The following SLC4A4 variants were observed in gnomAD, a reference collection of about 807,000 sequenced individuals.
SLC4A4 encodes the protein solute carrier family 4 member 4.
A neutral mutation model predicts 111.5 loss-of-function variants in SLC4A4; 27 were observed. That is an observed-to-expected ratio of 0.24 (90% CI 0.18 to 0.33). The LOEUF (loss-of-function observed/expected upper bound fraction) is 0.33, where lower values mean the gene tolerates loss of function less well. SLC4A4 is among the 10% of genes least tolerant of loss of function. The pLI is 1.00. For synonymous variants in SLC4A4, 443 were observed against 463.4 expected (o/e 0.96, Z 0.57); for missense variants, 909 against 1,315.5 (o/e 0.69, Z 4.78).
intron 2 of SLC4A4, among the ~76,000 whole-genome samples, chr4:71,162,520 C>T (rs1560752386): frequency 6.6e-6 from 1 of 152,190 alleles, no homozygotes; most frequent in African/African-American, 2.4e-5. Flanking sequence ...AGTTCAGTCT[C>T]TGCTAACCTT....
At chr4:71,261,909 T>A (rs1721884615) in intron 3 of SLC4A4, among the ~76,000 whole-genome samples, 1 of 152,150 alleles carries the variant, frequency 6.6e-6, no homozygotes, top group South Asian at 2.1e-4. Flanking sequence ...GCTGGGGTGC[T>A]CAGGGCTAAA....
intron 2 of SLC4A4, among the ~76,000 whole-genome samples, chr4:71,163,650 T>C (rs1744664697): frequency 6.6e-6 from 1 of 152,360 alleles, no homozygotes; most frequent in East Asian, 1.9e-4. Flanking sequence ...TGTTTCAATA[T>C]ATTTTTATTA....
chr4:71,347,144 T>C (rs2148898915), intron 4 of SLC4A4, among the ~76,000 whole-genome samples: 1 of 152,252 alleles, frequency 6.6e-6, no homozygotes, highest in East Asian at 1.9e-4. Flanking sequence ...GTTTTGCAAA[T>C]GCACTTTTTA....
At chr4:71,491,526 G>A (rs72853271) in intron 15 of SLC4A4, among the ~76,000 whole-genome samples, 21,568 of 151,574 alleles carry the variant, frequency 0.14, 1,987 homozygotes, top group African/African-American at 0.26. Context: ...GTTCATTGGC[G>A]TGTCTTAATT....
intron 6 of SLC4A4, among the ~76,000 whole-genome samples, chr4:71,368,458 A>G (rs1365866382): frequency 6.8e-6 from 1 of 147,168 alleles, no homozygotes; most frequent in African/African-American, 2.4e-5. Flanking sequence ...TGAAGGGCTG[A>G]AAAACAGAGG....
intron 1 of SLC4A4, among the ~76,000 whole-genome samples, chr4:71,084,963 C>A (rs560596875): frequency 2.4e-4 from 36 of 152,160 alleles, no homozygotes; most frequent in Middle Eastern, 6.8e-3. Context: ...TGCTATAGAT[C>A]CCTGAGGAAT....
upstream of SLC4A4, among the ~76,000 whole-genome samples, chr4:71,183,584 A>C (rs1017165856): frequency 6.6e-6 from 1 of 152,208 alleles, no homozygotes; most frequent in Non-Finnish European, 1.5e-5. Flanking sequence ...CTATCGATCT[A>C]TATCTATCTA....
chr4:71,136,472 G>A (rs2148964136), intron 2 of SLC4A4, among the ~76,000 whole-genome samples: 1 of 152,312 alleles, frequency 6.6e-6, no homozygotes. Flanking sequence ...GGGGTTGCCT[G>A]TTAACCCCAT....
chr4:71,262,802 C>T (rs759532761), intron 3 of SLC4A4, among the ~76,000 whole-genome samples: 3 of 151,904 alleles, frequency 2.0e-5, no homozygotes, highest in Non-Finnish European at 2.9e-5. Context: ...TCCCCTTTCC[C>T]CCCGGGTGTC....
upstream of SLC4A4, among the ~76,000 whole-genome samples, chr4:71,182,650 TA>T (rs1745329473): frequency 6.6e-6 from 1 of 151,978 alleles, no homozygotes; most frequent in Non-Finnish European, 1.5e-5. Flanking sequence ...GCCAGTGGGA[TA>T]CAAAGGAAAA....
At chr4:71,108,971 A>G (rs1379660949) in intron 2 of SLC4A4, among the ~76,000 whole-genome samples, 1 of 151,948 alleles carries the variant, frequency 6.6e-6, no homozygotes, top group Non-Finnish European at 1.5e-5. Context: ...ATCTGCCATT[A>G]GGTCTTTCTC....
At chr4:71,168,191 T>TTTC (rs1744835086) in intron 2 of SLC4A4, among the ~76,000 whole-genome samples, 1 of 147,372 alleles carries the variant, frequency 6.8e-6, no homozygotes, top group African/African-American at 2.5e-5. Flanking sequence ...TTTTTTTTTT[T>TTTC]TTTTTTTTGA....
intron 15 of SLC4A4, among the ~76,000 whole-genome samples, chr4:71,496,494 T>TATA (rs1730422096): frequency 6.6e-6 from 1 of 151,806 alleles, no homozygotes. Flanking sequence ...ACGAAGAGGG[T>TATA]ATAGTTTTAG....
chr4:71,067,907 C>A (rs545341188), intron 1 of SLC4A4, among the ~76,000 whole-genome samples: 1 of 152,022 alleles, frequency 6.6e-6, no homozygotes, highest in South Asian at 2.1e-4. Flanking sequence ...GACAACACAC[C>A]TGGCTAATTT....
At chr4:71,279,374 CATA>C (rs1723321531) in intron 3 of SLC4A4, among the ~76,000 whole-genome samples, 1 of 152,132 alleles carries the variant, frequency 6.6e-6, no homozygotes, top group African/African-American at 2.4e-5. Flanking sequence ...TTCCACTAAA[CATA>C]ATATCCTCCA....
At chr4:71,357,217 T>C in intron 6 of SLC4A4, 30 bp downstream of exon 6, 1 of 1,604,920 alleles carries the variant, frequency 6.2e-7, no homozygotes, top group Non-Finnish European at 8.5e-7. Flanking sequence ...GCTGCTGCTT[T>C]CTCTTACTTA....
intron 6 of SLC4A4, among the ~76,000 whole-genome samples, chr4:71,380,118 A>G (rs935156119): frequency 6.6e-6 from 1 of 152,228 alleles, no homozygotes; most frequent in African/African-American, 2.4e-5. Flanking sequence ...AGACACAGTG[A>G]CATGAGGGAA....
chr4:71,491,258 C>G (rs952637955), intron 15 of SLC4A4, among the ~76,000 whole-genome samples: 1 of 151,852 alleles, frequency 6.6e-6, no homozygotes, highest in Non-Finnish European at 1.5e-5. Flanking sequence ...ATAAGTACAT[C>G]AACAACTTAA....
chr4:71,291,737 C>G (rs536033038), intron 3 of SLC4A4, among the ~76,000 whole-genome samples: 1 of 152,170 alleles, frequency 6.6e-6, no homozygotes, highest in Non-Finnish European at 1.5e-5. Context: ...ATGCAATTCT[C>G]AAGTTGTTAT....
Sources: allele counts gnomAD v4.1 joint callset (sites outside exome capture counted in the v4.1 genomes callset), GRCh38; gene constraint gnomAD v4.1.1; transcripts MANE v1.5; gene names NCBI Gene and HGNC (gene_info 2026-07-23, HGNC 2026-07-21).